Variants in ULK4 observed in about 807,000 individuals in gnomAD.
ULK4 encodes the protein unc-51 like kinase 4.
ULK4 carries 133 observed loss-of-function variants against 160.6 expected under a neutral mutation model. The ratio of observed to expected loss-of-function variants is 0.83; its 90% CI spans 0.72 to 0.96. The LOEUF is 0.96. ULK4 is among the 40% of genes least tolerant of loss of function. The pLI, the probability that ULK4 is intolerant of heterozygous loss-of-function variation, is 0.00. For synonymous variants in ULK4, 534 were observed against 539.8 expected (o/e 0.99, Z 0.15); for missense variants, 1,580 against 1,499.5 (o/e 1.05, Z -0.89).
chr3:41,457,861 C>T (rs535167511), intron 33 of ULK4, among the ~76,000 whole-genome samples: 19 of 152,266 alleles, frequency 1.2e-4, no homozygotes, highest in African/African-American at 3.9e-4. Flanking sequence ...CCACTCCTAG[C>T]GATCCCCTAG....
intron 17 of ULK4, among the ~76,000 whole-genome samples, chr3:41,845,959 C>A (rs1354708108): frequency 5.3e-5 from 8 of 152,186 alleles, no homozygotes; most frequent in Admixed American, 4.6e-4. Context: ...ATTTTATAAT[C>A]CACTAGTATT....
At chr3:41,878,874 A>G (rs1697408753) in intron 17 of ULK4, among the ~76,000 whole-genome samples, 1 of 151,778 alleles carries the variant, frequency 6.6e-6, no homozygotes. Context: ...TACAGCACCA[A>G]CTGTGACAAA....
intron 17 of ULK4, among the ~76,000 whole-genome samples, chr3:41,865,779 C>A (rs900756816): frequency 8.6e-5 from 13 of 151,792 alleles, no homozygotes; most frequent in African/African-American, 2.9e-4. Context: ...ACTCCCTATA[C>A]AAAATTAACT....
chr3:41,938,339 T>C, intron 2 of ULK4, 142 bp from the exon 3 acceptor site: 1 of 635,192 alleles, frequency 1.6e-6, no homozygotes, highest in Non-Finnish European at 2.6e-6. Context: ...ACATTAGAAA[T>C]CATGGTTATG....
chr3:41,674,160 A>G lies in ULK4; in HGVS notation c.2978+7348T>C, dbSNP rs533699616. ...GTATTAAAATCTCCACCTCCCCAAT[A>G]ATAAACAATGGTGTTTCCTGAGTGA... On this transcript the variant is annotated intron_variant, in intron 29 of 36. Coordinates refer to ENST00000301831, the MANE Select transcript of ULK4 (RefSeq NM_017886.4). Among the ~76,000 whole-genome samples, 5 of 152,332 alleles carry G rather than the reference A, an allele frequency of 3.3e-5. No homozygotes were observed. In the South Asian group the frequency reaches 1.0e-3, roughly 32 times the overall value.
chr3:41,883,906 C>T lies in ULK4; in HGVS notation c.1624G>A (p.Ala542Thr), dbSNP rs1052501. 1,297,601 of 1,606,958 alleles carry T rather than the reference C, an allele frequency of 0.81. 533,317 individuals carry two copies. Among genetic ancestry groups the T allele is most frequent in the East Asian group, 0.85 (38,161 of 44,852 alleles). ...ACAGGTGTATTTTCCTGGAGCTCAG[C>T]TGTGTGCGAAGCCAGTAAACCAATT... ...HVIGLLASHT[A>T]ELQENTPVVE... The change falls in exon 17 of 37, where the codon GCT becomes ACT. Residue 542 changes from alanine to threonine, a missense_variant. Ala to Thr is a moderately conservative substitution (Grantham distance 58). Coordinates refer to ENST00000301831, the MANE Select transcript of ULK4 (RefSeq NM_017886.4).
intron 34 of ULK4, among the ~76,000 whole-genome samples, chr3:41,411,607 A>AT (rs2082410991): frequency 6.6e-6 from 1 of 151,646 alleles, no homozygotes; most frequent in Non-Finnish European, 1.5e-5. Context: ...TAATTTTTGT[A>AT]TTTTTAGTAG....
chr3:41,802,482 A>G (rs2040491053), intron 19 of ULK4, among the ~76,000 whole-genome samples: 1 of 152,074 alleles, frequency 6.6e-6, no homozygotes, highest in Non-Finnish European at 1.5e-5. Flanking sequence ...ATTTTTTAAC[A>G]GAGATGAGGT....
At chr3:41,849,308 G>A (rs576972577) in intron 17 of ULK4, among the ~76,000 whole-genome samples, 1 of 152,198 alleles carries the variant, frequency 6.6e-6, no homozygotes, top group Non-Finnish European at 1.5e-5. Context: ...TCTTAGGGTA[G>A]AGAAGCATTT....
At chr3:41,777,870 A>C (rs1195602737) in intron 21 of ULK4, among the ~76,000 whole-genome samples, 1 of 143,764 alleles carries the variant, frequency 7.0e-6, no homozygotes, top group Non-Finnish European at 1.5e-5. Context: ...ACCCACAGCC[A>C]ATATCATACT....
intron 19 of ULK4, among the ~76,000 whole-genome samples, chr3:41,807,223 A>G (rs1317436397): frequency 6.6e-6 from 1 of 152,196 alleles, no homozygotes; most frequent in Non-Finnish European, 1.5e-5. Context: ...ATTAAAGATT[A>G]CATAATCCTA....
chr3:41,674,667 T>A (rs6797772), intron 29 of ULK4, among the ~76,000 whole-genome samples: 1 of 152,154 alleles, frequency 6.6e-6, no homozygotes, highest in African/African-American at 2.4e-5. Context: ...AAGACTACCA[T>A]GGCCAGTATC....
chr3:41,862,542 T>C (rs1016586943), intron 17 of ULK4, among the ~76,000 whole-genome samples: 4 of 152,194 alleles, frequency 2.6e-5, no homozygotes, highest in Admixed American at 2.0e-4. Context: ...CCATCCTTCT[T>C]GGGAAGGCTT....
At position 41,295,058 on chromosome 3, in the gene ULK4, C is replaced by T. The variant is rs566418183; in HGVS notation, c.3679-45484G>A. Among the ~76,000 whole-genome samples the T allele has an allele frequency of 7.2e-4, 110 of 152,214 alleles. 1 individual carries two copies. The highest frequency in any genetic ancestry group is 7.8e-4 in the Non-Finnish European group (53 of 68,004). On this transcript the variant is annotated intron_variant, in intron 35 of 36. Transcript: ENST00000301831. ...TCTAACTTCAAGATGTACTAAAAAG[C>T]GACAGTAATCAAGACAGTGTGGTAC...
intron 21 of ULK4, among the ~76,000 whole-genome samples, chr3:41,784,970 T>C (rs1430970256): frequency 6.6e-6 from 1 of 152,234 alleles, no homozygotes; most frequent in South Asian, 2.1e-4. Flanking sequence ...GGTTTTATTA[T>C]AAGAAAAATA....
At chr3:41,496,024 C>G (rs150864558) in intron 32 of ULK4, among the ~76,000 whole-genome samples, 1 of 151,884 alleles carries the variant, frequency 6.6e-6, no homozygotes, top group Admixed American at 6.6e-5. Context: ...TGAAATACAA[C>G]ATTAACAAAA....
At chr3:41,399,770 T>C (rs1160694656) in intron 34 of ULK4, among the ~76,000 whole-genome samples, 1 of 152,080 alleles carries the variant, frequency 6.6e-6, no homozygotes, top group Non-Finnish European at 1.5e-5. Context: ...CACACCTTGC[T>C]AATTTTTAAA....
chr3:41,593,008 G>A (rs1456460774), intron 31 of ULK4, among the ~76,000 whole-genome samples: 1 of 152,130 alleles, frequency 6.6e-6, no homozygotes, highest in African/African-American at 2.4e-5. Context: ...TCCTCTGGCT[G>A]CATAGCTAGG....
chr3:41,878,341 C>T (rs924244016), intron 17 of ULK4, among the ~76,000 whole-genome samples: 1 of 152,094 alleles, frequency 6.6e-6, no homozygotes, highest in Non-Finnish European at 1.5e-5. Flanking sequence ...ATCAAAAAGA[C>T]TAATGACTGC....
Sources: allele counts gnomAD v4.1 joint callset (sites outside exome capture counted in the v4.1 genomes callset), GRCh38; gene constraint gnomAD v4.1.1; transcripts MANE v1.5; gene names NCBI Gene and HGNC (gene_info 2026-07-23, HGNC 2026-07-21).